Variants in MBNL2 observed in about 807,000 individuals in gnomAD.
MBNL2 encodes muscleblind-like protein 2.
A neutral mutation model predicts 41.9 loss-of-function variants in MBNL2; 17 were observed. That is an observed-to-expected ratio of 0.41 (90% confidence interval 0.28 to 0.61). The LOEUF is 0.61. MBNL2 is among the 20% of genes least tolerant of loss of function. The probability of loss-of-function intolerance (pLI) is 0.35; values close to 1 mark genes in which losing one functional copy is unlikely to be tolerated. For synonymous variants in MBNL2, 195 were observed against 182.9 expected (o/e 1.07, Z -0.53); for missense variants, 336 against 505.6 (o/e 0.66, Z 3.22).
the MBNL2 span, among the ~76,000 whole-genome samples, chr13:97,163,396 A>T: frequency 6.6e-6 from 1 of 152,006 alleles, no homozygotes; most frequent in East Asian, 1.9e-4. Flanking sequence ...TCACCACCTA[A>T]CTGGGATGGG....
the MBNL2 span, among the ~76,000 whole-genome samples, chr13:97,175,692 T>C: frequency 6.6e-6 from 1 of 152,104 alleles, no homozygotes; most frequent in Admixed American, 6.6e-5. Flanking sequence ...CAAACTTGTA[T>C]TGCCACCCTG....
intron 2 of MBNL2, among the ~76,000 whole-genome samples, chr13:97,308,470 G>A (rs1157710121): frequency 6.6e-6 from 1 of 152,102 alleles, no homozygotes; most frequent in Admixed American, 6.5e-5. Flanking sequence ...TGAGCTTCAT[G>A]GAATTTTCTG....
intron 2 of MBNL2, among the ~76,000 whole-genome samples, chr13:97,300,840 T>G (rs561496798): frequency 2.0e-5 from 3 of 152,336 alleles, no homozygotes; most frequent in South Asian, 2.1e-4. Context: ...CTTTTACCCT[T>G]GCACTCGGAT....
chr13:97,175,648 T>C, the MBNL2 span, among the ~76,000 whole-genome samples: 1 of 152,138 alleles, frequency 6.6e-6, no homozygotes, highest in Non-Finnish European at 1.5e-5. Context: ...TGGAGAACAA[T>C]GCCCCCAACA....
intron 8 of MBNL2, among the ~76,000 whole-genome samples, chr13:97,385,665 C>G (rs1416776617): frequency 1.3e-5 from 2 of 152,166 alleles, no homozygotes; most frequent in Admixed American, 6.5e-5. Flanking sequence ...ATAAACACTT[C>G]TAGAAGTCAC....
chr13:97,158,111 T>G, the MBNL2 span, among the ~76,000 whole-genome samples: 5 of 150,330 alleles, frequency 3.3e-5, no homozygotes, highest in Admixed American at 6.7e-5. Context: ...ACTTCTTCCT[T>G]GTTTAGTCTT....
chr13:97,272,283 G>C (rs912609372), intron 1 of MBNL2, among the ~76,000 whole-genome samples: 1 of 151,858 alleles, frequency 6.6e-6, no homozygotes, highest in Admixed American at 6.6e-5. Context: ...GTTCATATCA[G>C]TTTTTGATGG....
At chr13:97,342,734 T>A (rs1462831236) in intron 3 of MBNL2, among the ~76,000 whole-genome samples, 2 of 152,192 alleles carry the variant, frequency 1.3e-5, no homozygotes, top group African/African-American at 2.4e-5. Flanking sequence ...GTTGAGTAAT[T>A]AGAGTTGAAA....
intron 6 of MBNL2, among the ~76,000 whole-genome samples, chr13:97,357,264 T>C (rs994261932): frequency 6.6e-6 from 1 of 152,176 alleles, no homozygotes; most frequent in Non-Finnish European, 1.5e-5. Flanking sequence ...TTTTCCTTAG[T>C]TGAGATGCTA....
intron 7 of MBNL2, among the ~76,000 whole-genome samples, chr13:97,363,295 A>C (rs948853660): frequency 6.6e-6 from 1 of 152,146 alleles, no homozygotes; most frequent in Non-Finnish European, 1.5e-5. Flanking sequence ...ATGATACACC[A>C]CAGGAAATGT....
chr13:97,307,834 T>C (rs2058258692), intron 2 of MBNL2, among the ~76,000 whole-genome samples: 1 of 152,246 alleles, frequency 6.6e-6, no homozygotes, highest in Admixed American at 6.5e-5. Flanking sequence ...AGTGCCAAGA[T>C]AGTGACTCCT....
chr13:97,251,391 T>G (rs980094960), intron 1 of MBNL2, among the ~76,000 whole-genome samples: 1 of 151,882 alleles, frequency 6.6e-6, no homozygotes, highest in Non-Finnish European at 1.5e-5. Context: ...ACACCTACTA[T>G]GTACCCACAA....
At chr13:97,332,188 T>C (rs1594222441) in intron 2 of MBNL2, among the ~76,000 whole-genome samples, 2 of 152,184 alleles carry the variant, frequency 1.3e-5, no homozygotes, top group East Asian at 3.8e-4. Context: ...CCAAGAGCAG[T>C]GTTTGTGGCT....
At chr13:97,231,577 A>G (rs1461846996) in intron 1 of MBNL2, among the ~76,000 whole-genome samples, 4 of 152,164 alleles carry the variant, frequency 2.6e-5, no homozygotes, top group Admixed American at 1.3e-4. Context: ...TTGAACTGAT[A>G]TATCCCACCA....
intron 2 of MBNL2, among the ~76,000 whole-genome samples, chr13:97,301,051 A>G (rs1044232328): frequency 6.6e-6 from 1 of 152,224 alleles, no homozygotes; most frequent in Non-Finnish European, 1.5e-5. Context: ...TGCCTGAGTT[A>G]GTGGTAAAGC....
intron 2 of MBNL2, among the ~76,000 whole-genome samples, chr13:97,292,460 C>G (rs1056807992): frequency 1.3e-5 from 2 of 152,126 alleles, no homozygotes; most frequent in Non-Finnish European, 2.9e-5. Flanking sequence ...TTGAAGCTCC[C>G]GTCACTAATA....
At chr13:97,220,225 G>A (rs2040738711), upstream of MBNL2, among the ~76,000 whole-genome samples, 1 of 152,202 alleles carries the variant, frequency 6.6e-6, no homozygotes, top group Non-Finnish European at 1.5e-5. Context: ...GACATTTTGT[G>A]TGCATTATCT....
chr13:97,174,215 G>A, the MBNL2 span, among the ~76,000 whole-genome samples: 1 of 152,140 alleles, frequency 6.6e-6, no homozygotes, highest in Admixed American at 6.5e-5. Flanking sequence ...GGGCAGCTGG[G>A]CATGAGATAA....
the MBNL2 span, among the ~76,000 whole-genome samples, chr13:97,205,229 T>A: frequency 2.9e-3 from 410 of 139,230 alleles, 4 homozygotes; most frequent in African/African-American, 0.01. Flanking sequence ...ATATTAAAAA[T>A]ATATATATAA....
Sources: gnomAD v4.1 joint callset for allele counts (sites outside exome capture counted in the v4.1 genomes callset) on GRCh38, gnomAD v4.1.1 for gene constraint, MANE v1.5 for transcripts, NCBI Gene and HGNC (gene_info 2026-07-23, HGNC 2026-07-21) for gene names.